ZBTB20: variants seen among roughly 807,000 people sequenced by gnomAD.
ZBTB20 encodes the protein zinc finger and BTB domain-containing protein 20.
In ZBTB20, 9 loss-of-function variants were observed where a neutral mutation model predicts 56.9. The observed-to-expected ratio is 0.16, with a 90% CI of 0.10 to 0.28. The LOEUF is 0.28. Ranked by LOEUF, ZBTB20 falls within the 10% of genes least tolerant of loss-of-function variation. The pLI is 1.00. For synonymous variants in ZBTB20, 417 were observed against 420.7 expected, an observed-to-expected ratio of 0.99 and a Z score of 0.11; for missense variants, 655 against 1,003.0, an observed-to-expected ratio of 0.65 and a Z score of 4.69.
At chr3:114,802,181 G>A (rs2071768979) in intron 4 of ZBTB20, among the ~76,000 whole-genome samples, 1 of 151,820 alleles carries the variant, frequency 6.6e-6, no homozygotes, top group South Asian at 2.1e-4. Flanking sequence ...TCACTTTACA[G>A]CGTGGCAGAA....
intron 6 of ZBTB20, among the ~76,000 whole-genome samples, chr3:114,579,650 T>G (rs1475883341): frequency 6.6e-6 from 1 of 151,186 alleles, no homozygotes; most frequent in Non-Finnish European, 1.5e-5. Context: ...AGCCAGTTTT[T>G]GTAAAGAAGT....
chr3:114,960,582 G>C (rs1204541129), intron 3 of ZBTB20, among the ~76,000 whole-genome samples: 1 of 152,196 alleles, frequency 6.6e-6, no homozygotes, highest in African/African-American at 2.4e-5. Context: ...GATGTGTTGA[G>C]TATTATATTT....
intron 1 of ZBTB20, among the ~76,000 whole-genome samples, chr3:115,117,229 C>G (rs1047284031): frequency 6.6e-6 from 1 of 152,066 alleles, no homozygotes; most frequent in Admixed American, 6.6e-5. Context: ...ATATTTATAT[C>G]TAAGCATTGG....
chr3:114,839,456 AAAGAAAGAAAG>A (rs2074277830), intron 4 of ZBTB20, among the ~76,000 whole-genome samples: 1 of 151,576 alleles, frequency 6.6e-6, no homozygotes, highest in Non-Finnish European at 1.5e-5. Context: ...AGAAAGAAAG[AAAGAAAGAAAG>A]AGAGAGAGAA....
intron 2 of ZBTB20, among the ~76,000 whole-genome samples, chr3:115,003,111 A>G (rs917151518): frequency 3.3e-5 from 5 of 151,666 alleles, no homozygotes; most frequent in African/African-American, 1.2e-4. Context: ...TGGCAAAACT[A>G]TAGATACCGT....
At chr3:114,548,001 A>G (rs2050101276) in intron 6 of ZBTB20, among the ~76,000 whole-genome samples, 1 of 152,210 alleles carries the variant, frequency 6.6e-6, no homozygotes, top group Non-Finnish European at 1.5e-5. Flanking sequence ...GTACTTGGAT[A>G]TCTTCCTTTT....
At chr3:114,877,399 T>C (rs1403349901) in intron 4 of ZBTB20, among the ~76,000 whole-genome samples, 2 of 152,152 alleles carry the variant, frequency 1.3e-5, no homozygotes, top group African/African-American at 4.8e-5. Context: ...AAAGGAAACC[T>C]TAAAATAGCA....
intron 1 of ZBTB20, among the ~76,000 whole-genome samples, chr3:115,120,473 A>T (rs554638757): frequency 1.2e-4 from 18 of 152,214 alleles, no homozygotes; most frequent in African/African-American, 3.4e-4. Context: ...ACAGAAAAAA[A>T]TTTTTTGAGT....
intron 5 of ZBTB20, among the ~76,000 whole-genome samples, chr3:114,772,807 C>T (rs1393797668): frequency 3.3e-5 from 5 of 152,064 alleles, no homozygotes; most frequent in Non-Finnish European, 7.4e-5. Flanking sequence ...AGCCCAGAAC[C>T]TGTGGTACAT....
intron 6 of ZBTB20, among the ~76,000 whole-genome samples, chr3:114,647,867 C>T (rs929941386): frequency 7.9e-5 from 12 of 152,120 alleles, no homozygotes; most frequent in African/African-American, 2.7e-4. Context: ...TCGTTGACAT[C>T]TCTTTAATCT....
At chr3:114,844,270 T>C (rs2074537225) in intron 4 of ZBTB20, among the ~76,000 whole-genome samples, 2 of 146,872 alleles carry the variant, frequency 1.4e-5, no homozygotes, top group South Asian at 4.2e-4. Flanking sequence ...CTAGGAAATG[T>C]AAGCTACTGT....
intron 1 of ZBTB20, among the ~76,000 whole-genome samples, chr3:115,146,973 G>C (rs927147247): frequency 6.7e-6 from 1 of 150,300 alleles, no homozygotes; most frequent in African/African-American, 2.4e-5. Context: ...TAAGAAGGGC[G>C]CCGGGGGAGG....
chr3:114,681,158 ATTTTTTT>A (rs10576152), intron 6 of ZBTB20, among the ~76,000 whole-genome samples: 1 of 121,058 alleles, frequency 8.3e-6, no homozygotes, highest in Non-Finnish European at 1.8e-5. Context: ...TGAGCGTATA[ATTTTTTT>A]TTTTTTTTTT....
chr3:114,658,672 T>C (rs530887734), intron 6 of ZBTB20: 5 of 152,348 alleles, frequency 3.3e-5, no homozygotes, highest in Admixed American at 1.3e-4. Flanking sequence ...AGCCATAAAA[T>C]GGAGAATAAC....
intron 6 of ZBTB20, among the ~76,000 whole-genome samples, chr3:114,596,233 A>G (rs2056304799): frequency 1.3e-5 from 2 of 152,206 alleles, no homozygotes; most frequent in Admixed American, 1.3e-4. Context: ...AAGCAAAAAT[A>G]CAAACAAAAT....
At chr3:114,482,848 A>T (rs1177723522) in intron 7 of ZBTB20, among the ~76,000 whole-genome samples, 3 of 152,236 alleles carry the variant, frequency 2.0e-5, no homozygotes, top group African/African-American at 7.2e-5. Context: ...TTTCTGATTT[A>T]GTCTTTGAAA....
At chr3:114,713,281 T>C (rs2108449867) in intron 5 of ZBTB20, among the ~76,000 whole-genome samples, 1 of 152,298 alleles carries the variant, frequency 6.6e-6, no homozygotes, top group South Asian at 2.1e-4. Context: ...TGGGTCTCAA[T>C]TGACGCATGA....
chr3:114,685,769 C>T (rs2062296416), intron 6 of ZBTB20, among the ~76,000 whole-genome samples: 2 of 151,896 alleles, frequency 1.3e-5, no homozygotes, highest in African/African-American at 2.4e-5. Context: ...AGTAGTGAGA[C>T]CAACATAAAT....
In ZBTB20 at chr3:114,365,927, G is replaced by A. The variant is rs558458240; in HGVS notation, c.200-14049C>T. On this transcript the variant is annotated intron_variant, in intron 10 of 11. Coordinates refer to ENST00000675478, the MANE Select transcript of ZBTB20 (RefSeq NM_001348800.3). ...ACTTTGTTTTGTAGGTCTGCTGAAT[G>A]AAAAAAATAATCGGGTAAAAAATTA... Among the ~76,000 whole-genome samples the A allele has an allele frequency of 1.5e-4, 23 of 152,166 alleles. No homozygotes were observed. In the South Asian group the frequency reaches 4.1e-3, roughly 27 times the overall value.
Sources: allele counts gnomAD v4.1 joint callset (sites outside exome capture counted in the v4.1 genomes callset), GRCh38; gene constraint gnomAD v4.1.1; transcripts MANE v1.5; gene names NCBI Gene and HGNC (gene_info 2026-07-23, HGNC 2026-07-21).